The following DLG2 variants were observed in gnomAD, a reference collection of about 807,000 sequenced individuals.
The protein encoded by DLG2 is disks large homolog 2.
Under a neutral mutation model 132.5 loss-of-function variants are expected in DLG2, and 45 were observed. The observed-to-expected ratio is 0.34, with a 90% CI of 0.27 to 0.44. DLG2 has a LOEUF of 0.44. DLG2 is among the 20% of genes least tolerant of loss of function. The pLI, the probability that DLG2 is intolerant of heterozygous loss-of-function variation, is 1.00. For synonymous variants in DLG2, 424 were observed against 419.6 expected (o/e 1.01, Z -0.13); for missense variants, 1,045 against 1,196.9 (o/e 0.87, Z 1.87).
At chr11:85,350,791 A>G (rs183142334) in intron 3 of DLG2, among the ~76,000 whole-genome samples, 1 of 152,344 alleles carries the variant, frequency 6.6e-6, no homozygotes, top group African/African-American at 2.4e-5. Context: ...TACCAGTACC[A>G]TGCTATTTTC....
intron 7 of DLG2, among the ~76,000 whole-genome samples, chr11:84,290,073 G>C (rs920375091): frequency 1.3e-5 from 2 of 152,062 alleles, no homozygotes; most frequent in Non-Finnish European, 1.5e-5. Flanking sequence ...CTCGGTAAAG[G>C]CTGAGTATCT....
intron 4 of DLG2, among the ~76,000 whole-genome samples, chr11:85,242,992 G>T (rs2075963050): frequency 6.6e-6 from 1 of 151,964 alleles, no homozygotes; most frequent in Admixed American, 6.6e-5. Flanking sequence ...AATTACCATG[G>T]TAACGATCCA....
intron 7 of DLG2, among the ~76,000 whole-genome samples, chr11:84,277,036 T>A (rs970849149): frequency 6.6e-6 from 1 of 152,170 alleles, no homozygotes; most frequent in Non-Finnish European, 1.5e-5. Flanking sequence ...AAAGGAGGAA[T>A]CCAGTTGTGG....
chr11:83,927,849 T>C (rs2079270059), intron 15 of DLG2, among the ~76,000 whole-genome samples: 1 of 151,964 alleles, frequency 6.6e-6, no homozygotes, highest in Non-Finnish European at 1.5e-5. Context: ...AAATCTGAGA[T>C]ATTTTGGAGG....
intron 10 of DLG2, among the ~76,000 whole-genome samples, chr11:84,072,713 T>C (rs1055175338): frequency 2.0e-5 from 3 of 152,218 alleles, no homozygotes; most frequent in Non-Finnish European, 4.4e-5. Context: ...TGGAAAGCCA[T>C]TGTACTGCTT....
chr11:83,875,794 A>G (rs1400316), intron 15 of DLG2, among the ~76,000 whole-genome samples: 59,214 of 151,982 alleles, frequency 0.39, 11,707 homozygotes, highest in South Asian at 0.52. Context: ...AGAGAATCAA[A>G]CTACAGGCTG....
intron 6 of DLG2, among the ~76,000 whole-genome samples, chr11:84,554,720 T>A (rs576083431): frequency 6.6e-6 from 1 of 152,130 alleles, no homozygotes; most frequent in East Asian, 1.9e-4. Context: ...CACTCCAGCC[T>A]GGGCAACGAG....
chr11:85,106,828 T>C (rs555313589), intron 6 of DLG2, among the ~76,000 whole-genome samples: 35 of 152,146 alleles, frequency 2.3e-4, no homozygotes, highest in African/African-American at 8.2e-4. Flanking sequence ...TTCTAAAGGG[T>C]GTACCCTTAA....
At chr11:83,816,248 C>T (rs1457808755) in intron 17 of DLG2, among the ~76,000 whole-genome samples, 1 of 152,166 alleles carries the variant, frequency 6.6e-6, no homozygotes, top group Admixed American at 6.5e-5. Flanking sequence ...GCCTATTAGC[C>T]TATTGGCAGC....
intron 6 of DLG2, among the ~76,000 whole-genome samples, chr11:84,807,320 C>T (rs2076106917): frequency 6.6e-6 from 1 of 151,998 alleles, no homozygotes; most frequent in Non-Finnish European, 1.5e-5. Flanking sequence ...GTGGTGGGTG[C>T]CTGTAATCCC....
chr11:85,552,071 C>T (rs1448858184), intron 3 of DLG2, among the ~76,000 whole-genome samples: 2 of 145,134 alleles, frequency 1.4e-5, no homozygotes, highest in African/African-American at 5.1e-5. Context: ...TGAAAGGTTC[C>T]TATTCATGAA....
intron 18 of DLG2, among the ~76,000 whole-genome samples, chr11:83,718,226 G>C (rs2087256689): frequency 6.6e-6 from 1 of 152,116 alleles, no homozygotes; most frequent in African/African-American, 2.4e-5. Context: ...CTTAAAACTG[G>C]GCTTCTAAGG....
Position 85,486,587 on chromosome 11 carries a change from G to A in DLG2, c.40+112070C>T, listed in dbSNP as rs572670284. On this transcript the variant is annotated intron_variant, in intron 3 of 27. Transcript: ENST00000376104. ...TCCTGCCAAGATTTGAGGTCAGGCT[G>A]ACCCAACCTACTGATACCACCACAG... 1.4e-4 allele frequency among the ~76,000 whole-genome samples: 22 copies of A among 152,152 alleles called. No homozygotes were observed. In the South Asian group the frequency reaches 4.4e-3, roughly 30 times the overall value.
chr11:84,917,461 G>A (rs2092539982), intron 6 of DLG2, among the ~76,000 whole-genome samples: 1 of 152,234 alleles, frequency 6.6e-6, no homozygotes, highest in Non-Finnish European at 1.5e-5. Flanking sequence ...AACAGACTTG[G>A]TTTAGAAGGT....
chr11:85,457,648 T>C (rs904060171), intron 3 of DLG2, among the ~76,000 whole-genome samples: 1 of 152,194 alleles, frequency 6.6e-6, no homozygotes, highest in African/African-American at 2.4e-5. Context: ...GGTAATGAAT[T>C]CCCTCATTTG....
At chr11:85,258,353 A>C (rs955872465) in intron 4 of DLG2, among the ~76,000 whole-genome samples, 1 of 152,188 alleles carries the variant, frequency 6.6e-6, no homozygotes, top group African/African-American at 2.4e-5. Flanking sequence ...AAAATGAATA[A>C]ATCAAGAAAG....
chr11:84,944,799 T>A (rs1033836536), intron 6 of DLG2, among the ~76,000 whole-genome samples: 4 of 151,976 alleles, frequency 2.6e-5, no homozygotes, highest in African/African-American at 9.7e-5. Flanking sequence ...AGAGATGGGG[T>A]TTCACCATGT....
At chr11:83,615,373 C>A (rs1164655294) in intron 19 of DLG2, among the ~76,000 whole-genome samples, 1 of 152,194 alleles carries the variant, frequency 6.6e-6, no homozygotes, top group Non-Finnish European at 1.5e-5. Flanking sequence ...CCTATTCTAG[C>A]AACATGACCC....
chr11:85,217,314 T>TCACA (rs764728080), intron 4 of DLG2, among the ~76,000 whole-genome samples: 47 of 22,118 alleles, frequency 2.1e-3, no homozygotes, highest in South Asian at 5.7e-3. Flanking sequence ...ATTCTCTCTC[T>TCACA]CTCTCACACA....
Sources: gnomAD v4.1 joint callset for allele counts (sites outside exome capture counted in the v4.1 genomes callset) on GRCh38, gnomAD v4.1.1 for gene constraint, MANE v1.5 for transcripts, NCBI Gene and HGNC (gene_info 2026-07-23, HGNC 2026-07-21) for gene names.